The following STIM2 variants were observed in gnomAD, a reference collection of about 807,000 sequenced individuals.
The protein encoded by STIM2 is stromal interaction molecule 2.
STIM2 carries 31 observed loss-of-function variants against 85.8 expected under a neutral mutation model. The ratio of observed to expected loss-of-function variants is 0.36; its 90% confidence interval spans 0.27 to 0.49. STIM2 has a LOEUF of 0.49. STIM2 is among the 20% of genes least tolerant of loss of function. The pLI, the probability that STIM2 is intolerant of heterozygous loss-of-function variation, is 0.98. For missense variants in STIM2, 841 were observed against 927.6 expected (o/e 0.91, Z 1.21); for synonymous variants, 356 against 331.1 (o/e 1.08, Z -0.82).
intron 2 of STIM2, among the ~76,000 whole-genome samples, chr4:26,955,845 G>A (rs1384505097): frequency 6.6e-6 from 1 of 152,100 alleles, no homozygotes; most frequent in African/African-American, 2.4e-5. Context: ...ACACTACTCT[G>A]CTGAATGACC....
intron 3 of STIM2, among the ~76,000 whole-genome samples, chr4:26,988,867 A>G (rs897925683): frequency 6.6e-6 from 1 of 152,194 alleles, no homozygotes; most frequent in African/African-American, 2.4e-5. Context: ...CTAACACTTT[A>G]GCAATGTTTT....
At chr4:26,893,461 G>A (rs989098707) in intron 1 of STIM2, among the ~76,000 whole-genome samples, 3 of 152,176 alleles carry the variant, frequency 2.0e-5, no homozygotes, top group Non-Finnish European at 2.9e-5. Flanking sequence ...TCAAAAAAGT[G>A]TGAGATTTGT....
chr4:26,953,626 A>G (rs1726134794), intron 2 of STIM2, among the ~76,000 whole-genome samples: 1 of 152,056 alleles, frequency 6.6e-6, no homozygotes, highest in African/African-American at 2.4e-5. Flanking sequence ...ATCAGGATAA[A>G]AATTGTGCAA....
At chr4:26,896,407 A>G (rs749272234) in intron 1 of STIM2, among the ~76,000 whole-genome samples, 6 of 152,218 alleles carry the variant, frequency 3.9e-5, no homozygotes, top group Non-Finnish European at 7.3e-5. Context: ...CAAGTCCTAA[A>G]TTATACAGGG....
intron 3 of STIM2, among the ~76,000 whole-genome samples, chr4:26,966,059 C>T (rs550093114): frequency 3.6e-4 from 55 of 152,188 alleles, no homozygotes; most frequent in African/African-American, 1.3e-3. Flanking sequence ...TTTCTATACA[C>T]CTGAATTCTA....
intron 4 of STIM2, among the ~76,000 whole-genome samples, chr4:26,996,364 T>C (rs1360836326): frequency 6.6e-6 from 1 of 152,084 alleles, no homozygotes; most frequent in Admixed American, 6.6e-5. Context: ...TATTTTTCCC[T>C]GGATGATTTC....
At chr4:26,916,212 G>GAATTCA (rs1219509440) in intron 1 of STIM2, among the ~76,000 whole-genome samples, 1 of 152,192 alleles carries the variant, frequency 6.6e-6, no homozygotes, top group Non-Finnish European at 1.5e-5. Flanking sequence ...AGAATTCACA[G>GAATTCA]CTATTCTAAA....
chr4:26,894,971 G>T (rs1723643072), intron 1 of STIM2, among the ~76,000 whole-genome samples: 1 of 152,204 alleles, frequency 6.6e-6, no homozygotes, highest in Non-Finnish European at 1.5e-5. Context: ...CAGCACTTTG[G>T]AAGGCCAAGG....
At chr4:26,960,146 G>T (rs1726393375) in intron 3 of STIM2, among the ~76,000 whole-genome samples, 1 of 152,262 alleles carries the variant, frequency 6.6e-6, no homozygotes, top group African/African-American at 2.4e-5. Flanking sequence ...CATGTTGAGT[G>T]TGCCGGGCTC....
At chr4:27,009,256 T>C (rs1415336266) in intron 10 of STIM2, among the ~76,000 whole-genome samples, 2 of 152,126 alleles carry the variant, frequency 1.3e-5, no homozygotes, top group African/African-American at 4.8e-5. Context: ...GCTTTATAAA[T>C]TTGATTATTA....
In STIM2 at chr4:27,002,234, A is replaced by T. The variant is rs757028333; in HGVS notation, c.643A>T (p.Met215Leu). 2.5e-6 allele frequency: 4 copies of T among 1,609,518 alleles called. No homozygotes were observed. The highest frequency in any genetic ancestry group is 3.4e-6 in the Non-Finnish European group (4 of 1,178,760). Reference sequence around the variant, plus strand: ...TTTAATAGGCCCACCTCATAACTGGATGAAAGATTTTATCCTCACAGTTTC... The same window carrying T: ...TTTAATAGGCCCACCTCATAACTGGTTGAAAGATTTTATCCTCACAGTTTC... The change falls in exon 6 of 12, where the codon ATG becomes TTG. Residue 215 changes from methionine to leucine, a missense_variant. Physicochemically the swap from Met to Leu is conservative, Grantham distance 15 (BLOSUM62 2). Around this residue, in one of 3 missense-constraint regions of STIM2, gnomAD observed 408 missense variants for 525.4 expected, o/e 0.78. Coordinates refer to ENST00000467087, the MANE Select transcript of STIM2 (RefSeq NM_020860.4).
At chr4:26,976,654 A>G (rs1727211130) in intron 3 of STIM2, among the ~76,000 whole-genome samples, 1 of 151,946 alleles carries the variant, frequency 6.6e-6, no homozygotes, top group Non-Finnish European at 1.5e-5. Context: ...TAAAAATACA[A>G]AAATTAGCTG....
chr4:26,933,733 C>CAAAAAAAAAAAAAAAAA (rs771503772), intron 2 of STIM2, among the ~76,000 whole-genome samples: 1 of 47,764 alleles, frequency 2.1e-5, no homozygotes, highest in Non-Finnish European at 4.5e-5. Flanking sequence ...GACCTGATCT[C>CAAAAAAAAAAAAAAAAA]AAAAAAAAAA....
intron 3 of STIM2, among the ~76,000 whole-genome samples, chr4:26,977,227 T>C (rs1727235081): frequency 6.6e-6 from 1 of 152,066 alleles, no homozygotes; most frequent in Admixed American, 6.6e-5. Flanking sequence ...TTTAGGAAAC[T>C]GTTGGAAGGC....
chr4:26,935,832 A>G (rs1321123408), intron 2 of STIM2, among the ~76,000 whole-genome samples: 1 of 152,172 alleles, frequency 6.6e-6, no homozygotes, highest in African/African-American at 2.4e-5. Context: ...ACCTTGATAA[A>G]TCTTAAAGTT....
At chr4:26,957,272 A>G (rs1262961673) in intron 2 of STIM2, among the ~76,000 whole-genome samples, 2 of 152,132 alleles carry the variant, frequency 1.3e-5, no homozygotes, top group South Asian at 2.1e-4. Context: ...TTTTCCCCCA[A>G]ATATTTTCAA....
intron 3 of STIM2, among the ~76,000 whole-genome samples, chr4:26,993,118 C>T (rs957855281): frequency 5.3e-5 from 8 of 151,978 alleles, no homozygotes; most frequent in African/African-American, 1.4e-4. Flanking sequence ...TTTGTGTGGG[C>T]GTGTGAGGTA....
rs145623943 is a variant in STIM2, at chr4:26,961,882, G to T, written c.397+4156G>T. Among the ~76,000 whole-genome samples, 681 of 152,200 alleles carry T rather than the reference G, an allele frequency of 4.5e-3. 1 individual carries two copies. Among genetic ancestry groups the T allele is most frequent in the Non-Finnish European group, 7.7e-3 (525 of 68,006 alleles). ...TGGGCTCAAGTGAGCCACTAGAGTA[G>T]TTGAGGCTACGGGCGTATACCACCA... is the stretch of plus-strand genomic sequence containing the variant. On this transcript the variant is annotated intron_variant, in intron 3 of 11. Transcript: ENST00000467087.
Position 26,928,690 on chromosome 4 carries a change from G to A in STIM2, c.282+9056G>A, listed in dbSNP as rs555344701. On this transcript the variant is annotated intron_variant, in intron 2 of 11. Transcript: ENST00000467087. ...TTTATCAGATATTAAATGCACATGT[G>A]CAAAGTGTTATCACCACTCTGCAAA... 5.9e-5 allele frequency among the ~76,000 whole-genome samples: 9 copies of A among 152,228 alleles called. No homozygotes were observed. In the South Asian group the frequency reaches 1.9e-3, roughly 32 times the overall value.
Sources: allele counts gnomAD v4.1 joint callset (sites outside exome capture counted in the v4.1 genomes callset), GRCh38; gene constraint gnomAD v4.1.1; regional missense constraint gnomAD v4.1.1; transcripts MANE v1.5; gene names NCBI Gene and HGNC (gene_info 2026-07-23, HGNC 2026-07-21).